The following MTUS1 variants were observed in gnomAD, a reference collection of about 807,000 sequenced individuals.
The protein encoded by MTUS1 is microtubule associated scaffold protein 1, also known as microtubule-associated tumor suppressor 1.
MTUS1 carries 109 observed loss-of-function variants against 120.8 expected under a neutral mutation model. The observed-to-expected ratio is 0.90, with a 90% CI of 0.77 to 1.06. The LOEUF is 1.06. Ranked by LOEUF, MTUS1 falls within the 50% of genes least tolerant of loss-of-function variation. The pLI, the probability that MTUS1 is intolerant of heterozygous loss-of-function variation, is 0.00. For synonymous variants in MTUS1, 737 were observed against 550.5 expected, an observed-to-expected ratio of 1.34 and a Z score of -4.74; for missense variants, 2,210 against 1,486.3, an observed-to-expected ratio of 1.49 and a Z score of -8.01.
At position 17,653,247 on chromosome 8, in the gene MTUS1, G is replaced by A. The variant is rs1208398892; in HGVS notation, c.3323C>T (p.Ala1108Val). The change falls in exon 12 of 15, where the codon GCT becomes GTT. Residue 1108 changes from alanine to valine, a missense_variant. Ala to Val is a moderately conservative substitution (Grantham distance 64). Coordinates refer to ENST00000693296, the MANE Select transcript of MTUS1 (RefSeq NM_001363059.2). Reference sequence around the variant, plus strand: ...TTCTGATTTCAATTTTTCATTTAAAGCATCATTTTCACTCTTCAGATCATT... The same window carrying A: ...TTCTGATTTCAATTTTTCATTTAAAACATCATTTTCACTCTTCAGATCATT... The part of the protein sequence containing the change: ...QINDLKSEND[A>V]LNEKLKSEEQ... The A allele has an allele frequency of 2.6e-6, 4 of 1,556,662 alleles. No homozygotes were observed. The highest frequency in any genetic ancestry group is 1.4e-5 in the African/African-American group (1 of 72,254).
At chr8:17,649,734 C>T (rs1806574571) in intron 13 of MTUS1, 112 bp downstream of exon 13, 3 of 669,986 alleles carry the variant, frequency 4.5e-6, no homozygotes, top group Non-Finnish European at 7.9e-6. Context: ...TGTATAATTT[C>T]TAAATATCTT....
At chr8:17,697,434 A>C (rs553660332) in intron 6 of MTUS1, 2 of 1,598,798 alleles carry the variant, frequency 1.3e-6, no homozygotes, top group East Asian at 4.5e-5. Flanking sequence ...GGACTGTCAC[A>C]TACTGTCTTT....
At chr8:17,650,327 C>G (rs1395258620) in intron 12 of MTUS1, among the ~76,000 whole-genome samples, 2 of 152,170 alleles carry the variant, frequency 1.3e-5, no homozygotes, top group African/African-American at 4.8e-5. Flanking sequence ...AACAACAGTT[C>G]TCTCCTACCA....
chr8:17,702,165 G>A (rs567386888), intron 6 of MTUS1, among the ~76,000 whole-genome samples: 6 of 152,276 alleles, frequency 3.9e-5, no homozygotes, highest in African/African-American at 1.4e-4. Context: ...GGTGGAAGGT[G>A]TTTGCTCTCT....
chr8:17,735,274 C>T lies in MTUS1; in HGVS notation c.2287+8330G>A, dbSNP rs2046847668. Among the ~76,000 whole-genome samples, 3 of 152,198 alleles carry T rather than the reference C, an allele frequency of 2.0e-5. No homozygotes were observed. In the South Asian group the frequency reaches 6.2e-4, roughly 31 times the overall value. ...TCTTGCTACTCTATTCCACATTTCA[C>T]TTCATGGCCCACCACCTATCCAGCC... On this transcript the variant is annotated intron_variant, in intron 3 of 14. Transcript: ENST00000693296.
chr8:17,740,842 T>C (rs138174427), intron 3 of MTUS1, among the ~76,000 whole-genome samples: 20 of 152,242 alleles, frequency 1.3e-4, no homozygotes, highest in African/African-American at 4.8e-4. Context: ...CTACCTCACA[T>C]ACTGAGGACA....
At chr8:17,705,204 G>C (rs1563235638) in intron 6 of MTUS1, among the ~76,000 whole-genome samples, 1 of 152,094 alleles carries the variant, frequency 6.6e-6, no homozygotes. Context: ...AGCTGGTCTT[G>C]AACTCCTGGC....
intron 7 of MTUS1, among the ~76,000 whole-genome samples, chr8:17,680,158 G>A (rs116993539): frequency 0.024 from 3,614 of 152,182 alleles, 74 homozygotes; most frequent in Non-Finnish European, 0.032. Context: ...AGAAGGCCAG[G>A]AAATCATTCC....
chr8:17,717,816 A>G (rs749682734), intron 4 of MTUS1, among the ~76,000 whole-genome samples: 2 of 152,112 alleles, frequency 1.3e-5, no homozygotes, highest in African/African-American at 2.4e-5. Context: ...TTCAGACTCA[A>G]TACAACACTA....
chr8:17,681,697 C>T (rs2410495), intron 7 of MTUS1: 72,475 of 154,450 alleles, frequency 0.47, 17,483 homozygotes, highest in Middle Eastern at 0.58. Flanking sequence ...TCTTTATGTA[C>T]GGCTACAGCA....
rs369382976 is a variant in MTUS1 at position 17,754,807 on chromosome 8, C to T, written c.1001G>A (p.Gly334Asp). 1 of 1,614,084 alleles carries T rather than the reference C, an allele frequency of 6.2e-7. No individual in the cohort carries two copies. The highest frequency in any genetic ancestry group is 8.5e-7 in the Non-Finnish European group (1 of 1,180,052). ...GGACACTGTCTCTCTCAGATTTTGG[C>T]CCATTTCCTTGTGCCTGTATGAGCT... is the stretch of plus-strand genomic sequence containing the variant. ...SQSSYRHKEM[G>D]QNLRETVSYC... The change falls in exon 2 of 15, where the codon GGC (glycine) becomes GAC (aspartate). Residue 334 changes from glycine (G) to aspartate (D), a missense_variant. Gly to Asp is a moderately conservative substitution (Grantham distance 94). Transcript: ENST00000693296.
At chr8:17,678,463 T>A (rs1813567934) in intron 7 of MTUS1, among the ~76,000 whole-genome samples, 1 of 152,152 alleles carries the variant, frequency 6.6e-6, no homozygotes, top group Non-Finnish European at 1.5e-5. Flanking sequence ...TCACCATAAT[T>A]GAATTAGGAG....
At chr8:17,772,173 T>C (rs1212765162) in intron 1 of MTUS1, among the ~76,000 whole-genome samples, 1 of 152,206 alleles carries the variant, frequency 6.6e-6, no homozygotes, top group Non-Finnish European at 1.5e-5. Context: ...ATTTTTATCC[T>C]TGAAATGGCA....
At chr8:17,648,627 A>T (rs1367962935) in intron 13 of MTUS1, among the ~76,000 whole-genome samples, 1 of 152,228 alleles carries the variant, frequency 6.6e-6, no homozygotes, top group Non-Finnish European at 1.5e-5. Flanking sequence ...TGATAATTCA[A>T]AATGCTGGTA....
At chr8:17,721,034 C>A (rs1355358544) in intron 4 of MTUS1, among the ~76,000 whole-genome samples, 1 of 152,086 alleles carries the variant, frequency 6.6e-6, no homozygotes, top group Admixed American at 6.5e-5. Flanking sequence ...TTCCGAGAAC[C>A]CAGTGCTAAT....
intron 4 of MTUS1, chr8:17,722,052 A>G (rs1486877929): frequency 1.5e-6 from 2 of 1,308,094 alleles, no homozygotes; most frequent in Non-Finnish European, 1.9e-6. Context: ...TAAACCAGCT[A>G]GCAAATCAAA....
intron 1 of MTUS1, 77 bp from the exon 2 acceptor site, chr8:17,756,038 T>A: frequency 2.4e-6 from 2 of 840,966 alleles, no homozygotes; most frequent in Non-Finnish European, 3.4e-6. Context: ...AATCACTAAG[T>A]GATTAGTTTC....
rs558136096 is a variant in MTUS1 at position 17,763,936 on chromosome 8, C to T, written c.-154-7975G>A. Among the ~76,000 whole-genome samples the T allele has an allele frequency of 2.4e-4, 36 of 151,338 alleles. No homozygotes were observed. The South Asian group carries it at 7.1e-3, about 30-fold the overall frequency. The stretch of plus-strand genomic sequence containing the variant: ...GAACAAAGCAAGCCAAGTGTGGAAA[C>T]GTGTTAAAGATGACGGAACCACAAG... On this transcript the variant is annotated intron_variant, in intron 1 of 14. Transcript: ENST00000693296.
At chr8:17,779,791 G>C (rs1423795403) in intron 1 of MTUS1, among the ~76,000 whole-genome samples, 1 of 152,300 alleles carries the variant, frequency 6.6e-6, no homozygotes, top group African/African-American at 2.4e-5. Flanking sequence ...TTGGAGGGGG[G>C]GCGGGGGCAG....
Sources: gnomAD v4.1 joint callset for allele counts (sites outside exome capture counted in the v4.1 genomes callset) on GRCh38, gnomAD v4.1.1 for gene constraint, MANE v1.5 for transcripts, NCBI Gene and HGNC (gene_info 2026-07-23, HGNC 2026-07-21) for gene names.